Variants in CADM2 observed in about 807,000 individuals in gnomAD.
CADM2 encodes immunoglobulin superfamily member 4D.
A neutral mutation model predicts 49.8 loss-of-function variants in CADM2; 12 were observed. That is an observed-to-expected ratio of 0.24 (90% CI 0.15 to 0.39). The LOEUF (loss-of-function observed/expected upper bound fraction) is 0.39, where lower values mean the gene tolerates loss of function less well. Ranked by LOEUF, CADM2 falls within the 10% of genes least tolerant of loss-of-function variation. CADM2 has a pLI of 1.00. For missense variants in CADM2, 378 were observed against 492.3 expected, an observed-to-expected ratio of 0.77 and a Z score of 2.20; for synonymous variants, 214 against 175.4, an observed-to-expected ratio of 1.22 and a Z score of -1.74.
chr3:85,087,185 G>T (rs138486799), intron 1 of CADM2, among the ~76,000 whole-genome samples: 1 of 152,094 alleles, frequency 6.6e-6, no homozygotes, highest in Non-Finnish European at 1.5e-5. Context: ...CATGAATCTC[G>T]GTTAACAGAA....
chr3:85,664,229 C>T (rs571373994), intron 1 of CADM2, among the ~76,000 whole-genome samples: 2 of 152,030 alleles, frequency 1.3e-5, no homozygotes, highest in South Asian at 4.1e-4. Flanking sequence ...TCCCATGACC[C>T]CGTGATTTTC....
chr3:85,808,896 G>T (rs1039910554), intron 3 of CADM2, among the ~76,000 whole-genome samples: 1 of 152,044 alleles, frequency 6.6e-6, no homozygotes, highest in Admixed American at 6.6e-5. Context: ...CCGATAAAGA[G>T]AAGAAAAATG....
At chr3:85,109,567 A>G (rs2038374922) in intron 1 of CADM2, among the ~76,000 whole-genome samples, 1 of 151,972 alleles carries the variant, frequency 6.6e-6, no homozygotes, top group South Asian at 2.1e-4. Context: ...CCAACTTGGG[A>G]ATGCTACTAT....
chr3:85,076,799 C>T (rs1300456671), intron 1 of CADM2, among the ~76,000 whole-genome samples: 1 of 151,966 alleles, frequency 6.6e-6, no homozygotes, highest in African/African-American at 2.4e-5. Flanking sequence ...TGGTTAAACT[C>T]CATCTGTACT....
chr3:85,637,047 A>G (rs2064510507), intron 1 of CADM2, among the ~76,000 whole-genome samples: 1 of 151,502 alleles, frequency 6.6e-6, no homozygotes, highest in South Asian at 2.1e-4. Flanking sequence ...ATAACTAACA[A>G]TTATCCTGAA....
At chr3:84,999,751 G>T (rs1361486383) in intron 1 of CADM2, among the ~76,000 whole-genome samples, 1 of 152,048 alleles carries the variant, frequency 6.6e-6, no homozygotes, top group Non-Finnish European at 1.5e-5. Context: ...TGGCTTTAGG[G>T]TTGCAAAAAA....
rs561566147 is a variant in CADM2, at chr3:85,169,601, A to G, written c.61+209933A>G. ...AGCCTGGCCAACATGGTGAAATCCT[A>G]TCTCTACTAAAAGTACAAAAATCTG... On this transcript the variant is annotated intron_variant, in intron 1 of 9. Coordinates refer to ENST00000383699, the MANE Select transcript of CADM2 (RefSeq NM_001167675.2). Among the ~76,000 whole-genome samples the G allele has an allele frequency of 2.2e-4, 34 of 152,068 alleles. 1 individual carries two copies. The highest frequency in any genetic ancestry group is 1.8e-3 in the Admixed American group (28 of 15,274).
intron 1 of CADM2, among the ~76,000 whole-genome samples, chr3:85,587,431 G>T (rs1484224481): frequency 1.3e-5 from 2 of 152,028 alleles, no homozygotes; most frequent in East Asian, 1.9e-4. Flanking sequence ...AAAATGAAAT[G>T]TCTTAGGCAA....
intron 1 of CADM2, among the ~76,000 whole-genome samples, chr3:85,110,485 G>C (rs1287617291): frequency 6.6e-6 from 1 of 151,634 alleles, no homozygotes. Context: ...AAGAGAAGGG[G>C]AAAACAAAGA....
intron 1 of CADM2, among the ~76,000 whole-genome samples, chr3:85,097,341 A>G (rs1259002483): frequency 6.6e-6 from 1 of 152,070 alleles, no homozygotes; most frequent in Non-Finnish European, 1.5e-5. Flanking sequence ...TTCATTTTTT[A>G]TGGCTGCATA....
intron 8 of CADM2, among the ~76,000 whole-genome samples, chr3:85,989,611 C>T (rs1274129098): frequency 2.6e-5 from 4 of 152,238 alleles, no homozygotes; most frequent in South Asian, 4.1e-4. Context: ...AACAGAGATA[C>T]GTGTGCTCCA....
chr3:85,252,951 T>C (rs2042807466), intron 1 of CADM2, among the ~76,000 whole-genome samples: 1 of 152,060 alleles, frequency 6.6e-6, no homozygotes, highest in African/African-American at 2.4e-5. Context: ...TGCAAGCTCA[T>C]ATGTTAAGAA....
intron 1 of CADM2, among the ~76,000 whole-genome samples, chr3:85,183,640 C>T (rs908235072): frequency 6.6e-6 from 1 of 152,188 alleles, no homozygotes; most frequent in African/African-American, 2.4e-5. Flanking sequence ...TTGAAGTAAC[C>T]AATCTCTTCA....
intron 1 of CADM2, among the ~76,000 whole-genome samples, chr3:84,961,444 C>T (rs1018952459): frequency 6.6e-6 from 1 of 152,188 alleles, no homozygotes; most frequent in Non-Finnish European, 1.5e-5. Flanking sequence ...GCAGACAGCA[C>T]ATTCTCCCTG....
intron 2 of CADM2, among the ~76,000 whole-genome samples, chr3:85,771,705 G>A (rs193207663): frequency 6.6e-6 from 1 of 152,102 alleles, no homozygotes; most frequent in East Asian, 1.9e-4. Context: ...AAGAAATGGA[G>A]AACAGGTCAG....
intron 1 of CADM2, among the ~76,000 whole-genome samples, chr3:85,497,727 C>T (rs1283422630): frequency 2.5e-4 from 38 of 152,036 alleles, no homozygotes; most frequent in Admixed American, 2.0e-3. Flanking sequence ...TTTCTTAAAG[C>T]GTAACCAGGA....
intron 1 of CADM2, among the ~76,000 whole-genome samples, chr3:85,223,633 T>C: frequency 6.6e-6 from 1 of 152,178 alleles, no homozygotes; most frequent in East Asian, 1.9e-4. Flanking sequence ...CTTTAAGTTC[T>C]GGGGTACATG....
intron 1 of CADM2, among the ~76,000 whole-genome samples, chr3:85,003,829 A>T (rs2033592069): frequency 6.6e-6 from 1 of 152,110 alleles, no homozygotes; most frequent in Admixed American, 6.6e-5. Flanking sequence ...TGTATTTACA[A>T]TTTTATTACT....
intron 1 of CADM2, among the ~76,000 whole-genome samples, chr3:85,271,726 T>A (rs2043247962): frequency 6.6e-6 from 1 of 150,840 alleles, no homozygotes; most frequent in Non-Finnish European, 1.5e-5. Context: ...AAAAAATAAG[T>A]AAAATCTGTA....
Sources: gnomAD v4.1 joint callset for allele counts (sites outside exome capture counted in the v4.1 genomes callset) on GRCh38, gnomAD v4.1.1 for gene constraint, MANE v1.5 for transcripts, NCBI Gene and HGNC (gene_info 2026-07-23, HGNC 2026-07-21) for gene names.